Variants in PTPRM observed in about 807,000 individuals in gnomAD.
PTPRM encodes the protein protein tyrosine phosphatase receptor type M.
In PTPRM, 47 loss-of-function variants were observed where a neutral mutation model predicts 186.7. The observed-to-expected ratio is 0.25, with a 90% CI of 0.20 to 0.32. PTPRM has a LOEUF of 0.32. Among genes scored for constraint, PTPRM ranks in the 10% least tolerant of loss-of-function variants. The pLI is 1.00. For missense variants in PTPRM, 1,494 were observed against 1,865.0 expected (o/e 0.80, Z 3.66); for synonymous variants, 668 against 674.9 (o/e 0.99, Z 0.16).
At chr18:8,227,547 C>G (rs1046317481) in intron 14 of PTPRM, among the ~76,000 whole-genome samples, 4 of 152,158 alleles carry the variant, frequency 2.6e-5, no homozygotes, top group Non-Finnish European at 5.9e-5. Context: ...CCAGAATATG[C>G]AATTTTATCA....
chr18:7,600,760 C>CCGGTAAG (rs2143739667), intron 1 of PTPRM, among the ~76,000 whole-genome samples: 1 of 152,304 alleles, frequency 6.6e-6, no homozygotes, highest in East Asian at 1.9e-4. Context: ...GCTGCCTGCA[C>CCGGTAAG]CGGTAAGCTT....
chr18:8,048,077 G>A (rs1169380706), intron 7 of PTPRM, among the ~76,000 whole-genome samples: 1 of 152,094 alleles, frequency 6.6e-6, no homozygotes, highest in African/African-American at 2.4e-5. Flanking sequence ...TTTTAAATCA[G>A]CAAATTGAGC....
At chr18:8,321,075 G>A (rs2095342813) in intron 22 of PTPRM, among the ~76,000 whole-genome samples, 1 of 152,194 alleles carries the variant, frequency 6.6e-6, no homozygotes, top group Non-Finnish European at 1.5e-5. Flanking sequence ...GTTGTTAGGG[G>A]TTTGAAATTC....
intron 14 of PTPRM, among the ~76,000 whole-genome samples, chr18:8,174,003 T>A (rs1184356975): frequency 6.6e-6 from 1 of 151,526 alleles, no homozygotes; most frequent in East Asian, 1.9e-4. Flanking sequence ...GAAGCAGAGG[T>A]TGCAGTGAGC....
chr18:8,034,270 A>G lies in PTPRM; in HGVS notation c.1133-35416A>G, dbSNP rs140197365. Among the ~76,000 whole-genome samples the G allele has an allele frequency of 3.6e-3, 551 of 152,124 alleles. 1 individual carries two copies. Among genetic ancestry groups the G allele is most frequent in the African/African-American group, 0.012 (515 of 41,504 alleles). On this transcript the variant is annotated intron_variant, in intron 7 of 32. Transcript: ENST00000580170. ...TGGTCCTCCAGCCCATGTGTAAAATACGTTCACCCTATCCCAACATCTAAA... is the reference window on the plus strand; with the variant it reads ...TGGTCCTCCAGCCCATGTGTAAAATGCGTTCACCCTATCCCAACATCTAAA...
chr18:8,070,038 C>G (rs761620894), intron 8 of PTPRM, 44 bp downstream of exon 8: 2 of 1,523,518 alleles, frequency 1.3e-6, no homozygotes, highest in Non-Finnish European at 1.8e-6. Context: ...CATGTTCTTT[C>G]AAAAAACAAC....
chr18:7,651,746 TC>T (rs2038710655), intron 1 of PTPRM, among the ~76,000 whole-genome samples: 1 of 152,094 alleles, frequency 6.6e-6, no homozygotes, highest in Non-Finnish European at 1.5e-5. Flanking sequence ...TATACAAAAA[TC>T]AATTCAAGAT....
chr18:7,756,181 T>C (rs2041480034), intron 1 of PTPRM, among the ~76,000 whole-genome samples: 1 of 152,188 alleles, frequency 6.6e-6, no homozygotes, highest in South Asian at 2.1e-4. Flanking sequence ...GTGTCTGTTT[T>C]CTTGATGGTT....
intron 9 of PTPRM, among the ~76,000 whole-genome samples, chr18:8,084,543 A>C (rs2090330895): frequency 6.6e-6 from 1 of 152,182 alleles, no homozygotes. Flanking sequence ...ATTCAATCTA[A>C]ATATTCTTTC....
intron 11 of PTPRM, among the ~76,000 whole-genome samples, chr18:8,103,803 G>T (rs185682128): frequency 8.4e-4 from 128 of 152,138 alleles, no homozygotes; most frequent in African/African-American, 3.0e-3. Flanking sequence ...CCTAGCTTTC[G>T]AACTGTCTTG....
intron 1 of PTPRM, among the ~76,000 whole-genome samples, chr18:7,605,380 T>G (rs2037505424): frequency 6.6e-6 from 1 of 152,106 alleles, no homozygotes; most frequent in African/African-American, 2.4e-5. Flanking sequence ...TTAGCTGTAT[T>G]TATCACACTC....
intron 7 of PTPRM, among the ~76,000 whole-genome samples, chr18:8,033,003 T>C (rs1001322731): frequency 9.9e-5 from 15 of 152,258 alleles, no homozygotes; most frequent in Admixed American, 3.3e-4. Flanking sequence ...TTCTTCTCAG[T>C]ATGATCTCAA....
chr18:8,099,534 G>A (rs2091189260), intron 11 of PTPRM, among the ~76,000 whole-genome samples: 1 of 152,082 alleles, frequency 6.6e-6, no homozygotes, highest in Non-Finnish European at 1.5e-5. Context: ...CAACCACTGG[G>A]GCCGGGACAT....
chr18:8,191,465 G>T (rs1161017075), intron 14 of PTPRM, among the ~76,000 whole-genome samples: 2 of 152,150 alleles, frequency 1.3e-5, no homozygotes, highest in Non-Finnish European at 2.9e-5. Context: ...AAATGTGGAA[G>T]AGGCAAGGGA....
intron 7 of PTPRM, among the ~76,000 whole-genome samples, chr18:8,049,710 G>GTTTTTTTTTTTTT (rs371227331): frequency 2.1e-5 from 3 of 145,978 alleles, no homozygotes; most frequent in African/African-American, 2.5e-5. Flanking sequence ...AGTCTGTGAG[G>GTTTTTTTTTTTTT]TTTTTTTTTT....
rs1449392482 is a variant in PTPRM at position 8,343,372 on chromosome 18, C to CTGGAAA, written c.2957-51_2957-50insTGGAAA. The CTGGAAA allele has an allele frequency of 1.6e-5, 25 of 1,541,356 alleles. 2 individuals carry two copies. Among genetic ancestry groups the CTGGAAA allele is most frequent in the Admixed American group, 1.6e-4 (9 of 57,602 alleles). ...GTATTTGTAAGCCCCGGAAATTTTC[C>CTGGAAA]AGTTGAAACTTACAACAAAAACAAA... On this transcript the variant is annotated intron_variant, in intron 22 of 32. Coordinates refer to ENST00000580170, the MANE Select transcript of PTPRM (RefSeq NM_001105244.2).
chr18:8,002,322 A>G (rs1424628615), intron 7 of PTPRM, among the ~76,000 whole-genome samples: 1 of 152,232 alleles, frequency 6.6e-6, no homozygotes, highest in East Asian at 1.9e-4. Context: ...AGGACAAGAC[A>G]TTTGGGTAGT....
intron 5 of PTPRM, among the ~76,000 whole-genome samples, chr18:7,935,918 TCA>T (rs1281834641): frequency 6.6e-6 from 1 of 152,224 alleles, no homozygotes; most frequent in Non-Finnish European, 1.5e-5. Flanking sequence ...AGGAAGGGCA[TCA>T]CCACTAATCT....
Position 7,668,400 on chromosome 18 carries a change from C to T in PTPRM, c.73+100509C>T, listed in dbSNP as rs965269301. Among the ~76,000 whole-genome samples, 1 of 152,244 alleles carries T rather than the reference C, an allele frequency of 6.6e-6. No individual in the cohort carries two copies. Among genetic ancestry groups the T allele is most frequent in the Non-Finnish European group, 1.5e-5 (1 of 68,056 alleles). ...GTCTTGTTTGTTATTATGTAGCTCT[C>T]AGCTGCAACGGTATTTAACACGTTT... On this transcript the variant is annotated intron_variant, in intron 1 of 32. Transcript: ENST00000580170. The surrounding 1 kb of genome is among the most constrained non-coding windows in gnomAD (Gnocchi z 4.7).
Sources: gnomAD v4.1 joint callset for allele counts (sites outside exome capture counted in the v4.1 genomes callset) on GRCh38, gnomAD v4.1.1 for gene constraint, Gnocchi (gnomAD v3.1) non-coding constraint, MANE v1.5 for transcripts, NCBI Gene and HGNC (gene_info 2026-07-23, HGNC 2026-07-21) for gene names.